Variants in CACNA1E observed in about 807,000 individuals in gnomAD.
CACNA1E encodes the protein calcium voltage-gated channel subunit alpha1 E.
Under a neutral mutation model 259.2 loss-of-function variants are expected in CACNA1E, and 40 were observed. The observed-to-expected ratio is 0.15, with a 90% CI of 0.12 to 0.20. The LOEUF (loss-of-function observed/expected upper bound fraction) is 0.20, where lower values mean the gene tolerates loss of function less well. Ranked by LOEUF, CACNA1E falls within the 10% of genes least tolerant of loss-of-function variation. The pLI is 1.00. For missense variants in CACNA1E, 1,874 were observed against 3,040.1 expected, an observed-to-expected ratio of 0.62 and a Z score of 9.02; for synonymous variants, 1,104 against 1,138.5, an observed-to-expected ratio of 0.97 and a Z score of 0.61.
intron 2 of CACNA1E, among the ~76,000 whole-genome samples, chr1:181,426,486 T>G (rs879712422): frequency 3.9e-5 from 4 of 103,800 alleles, no homozygotes; most frequent in Non-Finnish European, 7.7e-5. Flanking sequence ...CCCATCTCAT[T>G]CCCTTCAAAA....
At chr1:181,763,733 G>T (rs1658787001) in intron 34 of CACNA1E, among the ~76,000 whole-genome samples, 1 of 152,184 alleles carries the variant, frequency 6.6e-6, no homozygotes, top group Non-Finnish European at 1.5e-5. Context: ...ATGTCTACTG[G>T]ATAGAATCTT....
chr1:181,790,376 C>G, intron 43 of CACNA1E, 69 bp from the exon 44 acceptor site: 1 of 973,798 alleles, frequency 1.0e-6, no homozygotes, highest in Non-Finnish European at 1.7e-6. Context: ...GGGTGTTGCC[C>G]TGCTGGGGTG....
chr1:181,448,145 G>A (rs1473236813), intron 2 of CACNA1E, among the ~76,000 whole-genome samples: 2 of 152,188 alleles, frequency 1.3e-5, no homozygotes, highest in Non-Finnish European at 2.9e-5. Context: ...AGACATCTTT[G>A]AGGGGGACAT....
intron 3 of CACNA1E, among the ~76,000 whole-genome samples, chr1:181,568,662 C>T (rs1650090743): frequency 6.6e-6 from 1 of 152,078 alleles, no homozygotes; most frequent in African/African-American, 2.4e-5. Flanking sequence ...GTGGCATGAT[C>T]GTGATTCACT....
At position 181,798,762 on chromosome 1, in the gene CACNA1E, G is replaced by A. The variant is rs780741005; in HGVS notation, c.6870G>A (p.Gly2290=). The A allele has an allele frequency of 6.3e-7, 1 of 1,597,816 alleles. No individual in the cohort carries two copies. The highest frequency in any genetic ancestry group is 8.5e-7 in the Non-Finnish European group (1 of 1,171,984). The change falls in exon 48 of 48, where the codon GGG becomes GGA. Residue 2290 remains glycine, a synonymous_variant. Coordinates refer to ENST00000367573, the MANE Select transcript of CACNA1E (RefSeq NM_001205293.3). The surrounding 1 kb of genome is among the most constrained non-coding windows in gnomAD (Gnocchi z 4.2). ...ACTATCGGCGGCGGAGGCGCGGGGG[G>A]CCTGGGCCAGGCATGATGTGTGGGG... ...NGHYRRRRRG[G]PGPGMMCGAV... is the part of the protein sequence containing the mutation.
chr1:181,360,725 G>A (rs1045694258), intron 1 of CACNA1E, among the ~76,000 whole-genome samples: 2 of 152,132 alleles, frequency 1.3e-5, no homozygotes, highest in Non-Finnish European at 2.9e-5. Context: ...TTAAGGTGGT[G>A]AATTTTATGT....
At chr1:181,370,010 T>C (rs1654563842) in intron 1 of CACNA1E, among the ~76,000 whole-genome samples, 1 of 152,120 alleles carries the variant, frequency 6.6e-6, no homozygotes, top group African/African-American at 2.4e-5. Context: ...TGTGTCCATG[T>C]GTACTCAACT....
chr1:181,587,155 C>T (rs1652151963), intron 6 of CACNA1E, among the ~76,000 whole-genome samples: 1 of 152,138 alleles, frequency 6.6e-6, no homozygotes, highest in South Asian at 2.1e-4. Flanking sequence ...TAGAAATTCT[C>T]TTCCTATTGC....
chr1:181,752,605 T>A lies in CACNA1E; in HGVS notation c.3828+366T>A, dbSNP rs193150906. On this transcript the variant is annotated intron_variant, in intron 27 of 47. Transcript: ENST00000367573. ...AACGGGATCCCTCTGTGTGTTCTGG[T>A]CTGCATATTTTTTAAGGCCGAGTAT... Among the ~76,000 whole-genome samples, 73 of 152,328 alleles carry A rather than the reference T, an allele frequency of 4.8e-4. 1 individual carries two copies. The highest frequency in any genetic ancestry group is 9.3e-4 in the Non-Finnish European group (63 of 68,020).
At chr1:181,445,628 C>T (rs1168764893) in intron 2 of CACNA1E, among the ~76,000 whole-genome samples, 2 of 152,232 alleles carry the variant, frequency 1.3e-5, no homozygotes, top group African/African-American at 4.8e-5. Flanking sequence ...TGAGGTACAA[C>T]AGGTGATGTA....
At chr1:181,476,176 G>A (rs1298200926) in intron 2 of CACNA1E, among the ~76,000 whole-genome samples, 1 of 152,190 alleles carries the variant, frequency 6.6e-6, no homozygotes, top group African/African-American at 2.4e-5. Flanking sequence ...GGTAGTCTTA[G>A]AGCAATTTCT....
chr1:181,623,056 CAAT>C (rs907190526), intron 6 of CACNA1E, among the ~76,000 whole-genome samples: 48 of 152,116 alleles, frequency 3.2e-4, no homozygotes, highest in African/African-American at 1.1e-3. Context: ...AACTGGGACA[CAAT>C]GATTATTAAT....
chr1:181,359,197 C>T (rs1653675819), intron 1 of CACNA1E, among the ~76,000 whole-genome samples: 1 of 152,146 alleles, frequency 6.6e-6, no homozygotes, highest in African/African-American at 2.4e-5. Flanking sequence ...ATATAAGACA[C>T]TGTCCTTTAG....
intron 1 of CACNA1E, among the ~76,000 whole-genome samples, chr1:181,365,327 C>T (rs1654186862): frequency 6.6e-6 from 1 of 152,224 alleles, no homozygotes; most frequent in African/African-American, 2.4e-5. Context: ...ACAACCACAC[C>T]TCGCTAATTT....
chr1:181,343,964 C>A (rs1471575672), intron 1 of CACNA1E, among the ~76,000 whole-genome samples: 1 of 152,232 alleles, frequency 6.6e-6, no homozygotes, highest in Admixed American at 6.5e-5. Flanking sequence ...CCCTACCCCC[C>A]TCACCTGGCT....
chr1:181,451,900 G>A (rs680412), intron 2 of CACNA1E, among the ~76,000 whole-genome samples: 7,599 of 152,228 alleles, frequency 0.05, 240 homozygotes, highest in African/African-American at 0.079. Context: ...CAACTGGTGA[G>A]GCCTGCAGGA....
chr1:181,510,750 G>T (rs192055537), intron 2 of CACNA1E, among the ~76,000 whole-genome samples, 168 bp downstream of exon 2: 57 of 152,326 alleles, frequency 3.7e-4, no homozygotes, highest in Middle Eastern at 6.8e-3. Context: ...ACACGGAAAA[G>T]AAGAGATTAC....
At chr1:181,613,950 C>A (rs1370471166) in intron 6 of CACNA1E, among the ~76,000 whole-genome samples, 1 of 152,132 alleles carries the variant, frequency 6.6e-6, no homozygotes, top group Admixed American at 6.5e-5. Flanking sequence ...AAATATCTTT[C>A]TAAAATTATC....
At chr1:181,708,855 G>A (rs553286739) in intron 7 of CACNA1E, among the ~76,000 whole-genome samples, 2 of 152,266 alleles carry the variant, frequency 1.3e-5, no homozygotes, top group South Asian at 2.1e-4. Flanking sequence ...CTCTACACAT[G>A]TTACTTGCCA....
Sources: allele counts gnomAD v4.1 joint callset (sites outside exome capture counted in the v4.1 genomes callset), GRCh38; gene constraint gnomAD v4.1.1; non-coding constraint Gnocchi (gnomAD v3.1); transcripts MANE v1.5; gene names NCBI Gene and HGNC (gene_info 2026-07-23, HGNC 2026-07-21).